ATP7A: variants seen among roughly 807,000 people sequenced by gnomAD.
ATP7A encodes ATPase copper transporting alpha.
Under a neutral mutation model 83.5 loss-of-function variants are expected in ATP7A, and 7 were observed. The observed-to-expected ratio is 0.08, with a 90% CI of 0.05 to 0.16. The LOEUF is 0.16. Among genes scored for constraint, ATP7A ranks in the 10% least tolerant of loss-of-function variants. The probability of loss-of-function intolerance (pLI) is 1.00; values close to 1 mark genes in which losing one functional copy is unlikely to be tolerated. For missense variants in ATP7A, 940 were observed against 1,120.8 expected (o/e 0.84, Z 2.30); for synonymous variants, 354 against 395.2 (o/e 0.90, Z 1.24).
intron 14 of ATP7A, among the ~76,000 whole-genome samples, chrX:78,022,714 C>T (rs965762113): frequency 2.7e-5 from 3 of 110,236 alleles, no homozygotes; most frequent in Non-Finnish European, 5.7e-5. Flanking sequence ...GATGGGGTTT[C>T]GCCATGTTGG....
chrX:77,916,181 C>T (rs2077184103), intron 1 of ATP7A, among the ~76,000 whole-genome samples: 1 of 108,935 alleles, frequency 9.2e-6, no homozygotes, highest in Admixed American at 9.8e-5. Context: ...AAGGTGAAAC[C>T]CCATCTCTAC....
intron 17 of ATP7A, among the ~76,000 whole-genome samples, chrX:78,034,655 T>TATTTGAC (rs1245627293): frequency 9.0e-6 from 1 of 111,280 alleles, no homozygotes; most frequent in African/African-American, 3.3e-5. Context: ...CTCATTAAGA[T>TATTTGAC]ATTTGACAAT....
chrX:77,945,255 G>A (rs1034093335), intron 1 of ATP7A, among the ~76,000 whole-genome samples: 1 of 111,861 alleles, frequency 8.9e-6, no homozygotes, highest in Admixed American at 9.5e-5. Context: ...TTGGCTCACT[G>A]CAACCACTGC....
At chrX:78,022,132 C>T (rs905740793) in intron 14 of ATP7A, among the ~76,000 whole-genome samples, 4 of 111,553 alleles carry the variant, frequency 3.6e-5, no homozygotes, top group Admixed American at 9.6e-5. Flanking sequence ...CCTTTCCCCT[C>T]GCCCTTCAAA....
chrX:77,969,544 G>T, intron 1 of ATP7A: 1 of 1,211,568 alleles, frequency 8.3e-7, no homozygotes, highest in Non-Finnish European at 1.1e-6. Context: ...GTGGCCCGCC[G>T]GGCTCAGATC....
At chrX:77,940,902 G>T (rs1186147206) in intron 1 of ATP7A, among the ~76,000 whole-genome samples, 5 of 111,949 alleles carry the variant, frequency 4.5e-5, no homozygotes, top group African/African-American at 1.6e-4. Context: ...ATAAAAGTGT[G>T]GCTAGACACT....
Position 77,981,131 on chromosome X carries a change from T to C in ATP7A, c.121-7111T>C, listed in dbSNP as rs371238226. 9.6e-4 allele frequency among the ~76,000 whole-genome samples: 108 copies of C among 112,102 alleles called. 4 individuals are homozygous for C. The South Asian group carries it at 0.04, about 41-fold the overall frequency. ...CATCAATATACAGAGCCCCATCTAA[T>C]ATTTTTCTTTCTATATGGGACTCTT... is the stretch of plus-strand genomic sequence containing the variant. On this transcript the variant is annotated intron_variant, in intron 2 of 22. Coordinates refer to ENST00000341514, the MANE Select transcript of ATP7A (RefSeq NM_000052.7).
chrX:77,913,469 C>G (rs2077170930), intron 1 of ATP7A, among the ~76,000 whole-genome samples: 1 of 111,684 alleles, frequency 9.0e-6, no homozygotes, highest in African/African-American at 3.3e-5. Flanking sequence ...TTTTAGTTCA[C>G]TCTACCATCC....
rs782643553 is a variant in ATP7A, at chrX:77,988,634, C to T, written c.513C>T (p.Val171=). ...ATAGTATGGCTCAAGCTGGTGAAGT[C>T]GTGCTGAAGATGAAAGTGGAAGGGA... The part of the protein sequence containing the change: ...EDHSMAQAGE[V]VLKMKVEGMT... The change falls in exon 3 of 23, where the codon GTC becomes GTT. Residue 171 remains valine, a synonymous_variant. Coordinates refer to ENST00000341514, the MANE Select transcript of ATP7A (RefSeq NM_000052.7). 6.6e-6 allele frequency: 8 copies of T among 1,209,485 alleles called. No homozygotes were observed. The South Asian group carries it at 7.0e-5, about 11-fold the overall frequency.
chrX:78,027,019 A>T (rs1176885856), intron 14 of ATP7A, among the ~76,000 whole-genome samples: 7 of 110,219 alleles, frequency 6.4e-5, no homozygotes, highest in African/African-American at 2.3e-4. Context: ...GCATGGTGGC[A>T]CGCACCTGTA....
intron 2 of ATP7A, among the ~76,000 whole-genome samples, chrX:77,985,942 A>T (rs2077634100): frequency 9.0e-6 from 1 of 111,714 alleles, no homozygotes; most frequent in African/African-American, 3.3e-5. Context: ...GGGGAGGGAA[A>T]TTAAAGTTTA....
chrX:77,932,600 T>TCCA (rs1227519714), intron 1 of ATP7A, among the ~76,000 whole-genome samples: 1 of 112,305 alleles, frequency 8.9e-6, no homozygotes, highest in Non-Finnish European at 1.9e-5. Flanking sequence ...GCCACTGCAC[T>TCCA]CCAGCCTGGG....
At chrX:78,004,781 G>T (rs1345926811) in intron 6 of ATP7A, among the ~76,000 whole-genome samples, 3 of 111,832 alleles carry the variant, frequency 2.7e-5, no homozygotes, top group Non-Finnish European at 5.6e-5. Context: ...TACTCGGGAG[G>T]CTGAGGCATG....
chrX:77,916,627 A>G (rs1454110738), intron 1 of ATP7A, among the ~76,000 whole-genome samples: 5 of 111,313 alleles, frequency 4.5e-5, no homozygotes, highest in Non-Finnish European at 9.4e-5. Context: ...CCATACTTGT[A>G]CTGAATAAGT....
chrX:77,935,225 A>G (rs1005643671), intron 1 of ATP7A, among the ~76,000 whole-genome samples: 2 of 112,257 alleles, frequency 1.8e-5, no homozygotes, highest in Non-Finnish European at 3.8e-5. Context: ...TACTAATAAA[A>G]AGCAGGAATA....
chrX:77,918,084 T>G (rs1367320051), intron 1 of ATP7A, among the ~76,000 whole-genome samples: 1 of 107,674 alleles, frequency 9.3e-6, no homozygotes, highest in African/African-American at 3.4e-5. Context: ...TTTTTTTTTT[T>G]GAGACAGGGT....
At chrX:77,980,737 C>T (rs186865189) in intron 2 of ATP7A, among the ~76,000 whole-genome samples, 70 of 110,813 alleles carry the variant, frequency 6.3e-4, no homozygotes, top group Admixed American at 5.2e-3. Flanking sequence ...GGTGCGATCT[C>T]GGCTCACTGC....
chrX:77,973,487 A>G (rs1240051491), intron 2 of ATP7A, among the ~76,000 whole-genome samples: 1 of 112,152 alleles, frequency 8.9e-6, no homozygotes, highest in Admixed American at 9.5e-5. Flanking sequence ...TAAATTATAG[A>G]CATTCTAATG....
At chrX:78,042,997 TAA>T (rs1179525833) in intron 20 of ATP7A, among the ~76,000 whole-genome samples, 1 of 112,285 alleles carries the variant, frequency 8.9e-6, no homozygotes, top group Non-Finnish European at 1.9e-5. Flanking sequence ...GTGAGAATTA[TAA>T]GTTTCTGAAG....
Sources: allele counts gnomAD v4.1 joint callset (sites outside exome capture counted in the v4.1 genomes callset), GRCh38; gene constraint gnomAD v4.1.1; transcripts MANE v1.5; gene names NCBI Gene and HGNC (gene_info 2026-07-23, HGNC 2026-07-21).